ZNF407: variants seen among roughly 807,000 people sequenced by gnomAD.
ZNF407 encodes zinc finger protein 407.
A neutral mutation model predicts 131.2 loss-of-function variants in ZNF407; 17 were observed. That is an observed-to-expected ratio of 0.13 (90% CI 0.09 to 0.19). The LOEUF is 0.19. Among genes scored for constraint, ZNF407 ranks in the 10% least tolerant of loss-of-function variants. The pLI is 1.00. For missense variants in ZNF407, 2,681 were observed against 2,830.6 expected (o/e 0.95, Z 1.20); for synonymous variants, 1,156 against 1,062.0 (o/e 1.09, Z -1.72).
At chr18:75,001,109 G>T (rs1469547566) in intron 8 of ZNF407, among the ~76,000 whole-genome samples, 2 of 152,122 alleles carry the variant, frequency 1.3e-5, no homozygotes, top group African/African-American at 2.4e-5. Context: ...AGCTTTCAGG[G>T]CCGGAGCCCA....
chr18:74,784,470 A>G (rs1969666799), intron 4 of ZNF407, among the ~76,000 whole-genome samples: 1 of 152,226 alleles, frequency 6.6e-6, no homozygotes, highest in African/African-American at 2.4e-5. Flanking sequence ...CATGGCTATC[A>G]TTAGAAACAG....
At chr18:74,846,697 T>A (rs1172402338) in intron 4 of ZNF407, among the ~76,000 whole-genome samples, 1 of 151,472 alleles carries the variant, frequency 6.6e-6, no homozygotes, top group East Asian at 2.0e-4. Flanking sequence ...AATTTTATCT[T>A]AAAAAGTGGT....
chr18:75,028,080 A>C (rs919886700), intron 8 of ZNF407, among the ~76,000 whole-genome samples: 4 of 152,222 alleles, frequency 2.6e-5, no homozygotes, highest in African/African-American at 9.7e-5. Flanking sequence ...GTATTTACTC[A>C]TTCAAAACTG....
chr18:74,732,701 T>G (rs1406281613), intron 3 of ZNF407, among the ~76,000 whole-genome samples: 2 of 152,194 alleles, frequency 1.3e-5, no homozygotes, highest in African/African-American at 4.8e-5. Context: ...TTGACTTTGT[T>G]TAAAATGTAC....
intron 3 of ZNF407, among the ~76,000 whole-genome samples, chr18:74,687,108 GA>G (rs1967113424): frequency 6.6e-6 from 1 of 152,182 alleles, no homozygotes; most frequent in Non-Finnish European, 1.5e-5. Flanking sequence ...AGTGCTTTGG[GA>G]GGCCAGGATG....
chr18:74,934,651 C>A (rs1972019329), intron 8 of ZNF407, among the ~76,000 whole-genome samples: 2 of 152,104 alleles, frequency 1.3e-5, no homozygotes, highest in Admixed American at 1.3e-4. Flanking sequence ...ACTAAAAATA[C>A]AAAAATTAGC....
chr18:74,911,636 C>T (rs898601642), intron 7 of ZNF407, among the ~76,000 whole-genome samples: 1 of 152,142 alleles, frequency 6.6e-6, no homozygotes, highest in African/African-American at 2.4e-5. Context: ...GCACTCAATT[C>T]AATTTTCGGT....
chr18:74,917,999 G>C (rs1013892436), intron 7 of ZNF407, among the ~76,000 whole-genome samples: 2 of 152,134 alleles, frequency 1.3e-5, no homozygotes, highest in Admixed American at 6.5e-5. Context: ...GAGATCTGCA[G>C]AATTAAGGGG....
intron 7 of ZNF407, among the ~76,000 whole-genome samples, chr18:74,908,375 G>A (rs753557192): frequency 2.6e-5 from 4 of 152,060 alleles, no homozygotes; most frequent in Non-Finnish European, 4.4e-5. Context: ...TTTGTATGGT[G>A]TAGGACAATA....
chr18:74,870,658 TTTTA>T (rs1453441965), intron 4 of ZNF407, among the ~76,000 whole-genome samples: 1 of 152,152 alleles, frequency 6.6e-6, no homozygotes, highest in African/African-American at 2.4e-5. Flanking sequence ...TGAGCAAGGT[TTTTA>T]TTTAGCCTTT....
intron 8 of ZNF407, among the ~76,000 whole-genome samples, chr18:74,923,226 C>A (rs1424813130): frequency 6.7e-6 from 1 of 149,386 alleles, no homozygotes; most frequent in Admixed American, 6.7e-5. Context: ...AAAGTGGTTT[C>A]TTTATTTTTT....
At chr18:74,782,767 C>T (rs1167511433) in intron 4 of ZNF407, among the ~76,000 whole-genome samples, 2 of 152,052 alleles carry the variant, frequency 1.3e-5, no homozygotes, top group African/African-American at 2.4e-5. Flanking sequence ...TATAGGCACC[C>T]GCCACCACCT....
intron 3 of ZNF407, among the ~76,000 whole-genome samples, chr18:74,734,646 A>G (rs1464226909): frequency 6.6e-6 from 1 of 150,416 alleles, no homozygotes; most frequent in Non-Finnish European, 1.5e-5. Flanking sequence ...CTATTTTTTA[A>G]AATTATACCA....
chr18:74,760,283 A>G (rs945266853), intron 3 of ZNF407, among the ~76,000 whole-genome samples: 2 of 151,804 alleles, frequency 1.3e-5, no homozygotes, highest in African/African-American at 4.8e-5. Flanking sequence ...GCAGTTATCA[A>G]CTCTACCTTT....
intron 4 of ZNF407, among the ~76,000 whole-genome samples, chr18:74,847,865 A>G (rs1451405702): frequency 6.6e-6 from 1 of 151,804 alleles, no homozygotes; most frequent in Non-Finnish European, 1.5e-5. Flanking sequence ...AAAAAAAAAA[A>G]CACGCTACCC....
chr18:74,873,624 G>A lies in ZNF407; in HGVS notation c.4878-3573G>A, dbSNP rs80077851. On this transcript the variant is annotated intron_variant, in intron 4 of 8. Coordinates refer to ENST00000299687, the MANE Select transcript of ZNF407 (RefSeq NM_017757.3). The stretch of plus-strand genomic sequence containing the variant: ...AGCCTGTAATCCCAGCAGGAGGACC[G>A]CTTGCACCCAGGAGGTCCTGAGGCT... Among the ~76,000 whole-genome samples, 1,050 of 152,028 alleles carry A rather than the reference G, an allele frequency of 6.9e-3. 49 individuals carry two copies. The East Asian group carries it at 0.14, about 20-fold the overall frequency.
intron 8 of ZNF407, among the ~76,000 whole-genome samples, chr18:75,041,622 GCACACACACACA>G (rs57989015): frequency 4.9e-4 from 71 of 144,974 alleles, no homozygotes; most frequent in Middle Eastern, 3.7e-3. Context: ...GCATGCACGT[GCACACACACACA>G]CACACACACA....
At position 74,635,432 on chromosome 18, in the gene ZNF407, T is replaced by C. The variant is rs1237734830; in HGVS notation, c.4413T>C (p.Asn1471=). 1 of 1,613,506 alleles carries C rather than the reference T, an allele frequency of 6.2e-7. No individual in the cohort carries two copies. Among genetic ancestry groups the C allele is most frequent in the African/African-American group, 1.3e-5 (1 of 74,904 alleles). ...TGGCTAGTGCCGGCCACATGAGAAA[T>C]GAGCAGGCCAGTGTGGAGGAGCTTC... is the stretch of plus-strand genomic sequence containing the variant. The part of the protein sequence containing the change: ...QHLASAGHMR[N]EQASVEELPE... The change falls in exon 2 of 9, where the codon AAT becomes AAC. Residue 1471 remains asparagine (N), a synonymous_variant. Coordinates refer to ENST00000299687, the MANE Select transcript of ZNF407 (RefSeq NM_017757.3). This position sits in a 1 kb window ranked among gnomAD's most constrained non-coding sequence, Gnocchi z 4.7.
intron 6 of ZNF407, among the ~76,000 whole-genome samples, chr18:74,883,087 T>G (rs777904321): frequency 2.6e-5 from 4 of 152,182 alleles, no homozygotes; most frequent in African/African-American, 4.8e-5. Context: ...TGGCACAACT[T>G]TATATTTTAT....
Sources: gnomAD v4.1 joint callset for allele counts (sites outside exome capture counted in the v4.1 genomes callset) on GRCh38, gnomAD v4.1.1 for gene constraint, Gnocchi (gnomAD v3.1) non-coding constraint, MANE v1.5 for transcripts, NCBI Gene and HGNC (gene_info 2026-07-23, HGNC 2026-07-21) for gene names.